PPP1R13B: variants seen among roughly 807,000 people sequenced by gnomAD.
The protein encoded by PPP1R13B is protein phosphatase 1 regulatory subunit 13B, also known as apoptosis-stimulating of p53 protein 1.
Under a neutral mutation model 119.8 loss-of-function variants are expected in PPP1R13B, and 44 were observed. The observed-to-expected ratio is 0.37, with a 90% CI of 0.29 to 0.47. The LOEUF (loss-of-function observed/expected upper bound fraction) is 0.47. PPP1R13B is among the 20% of genes least tolerant of loss of function. PPP1R13B has a pLI of 0.99. For missense variants in PPP1R13B, 1,227 were observed against 1,413.5 expected (o/e 0.87, Z 2.12); for synonymous variants, 542 against 561.5 (o/e 0.97, Z 0.49).
intron 4 of PPP1R13B, among the ~76,000 whole-genome samples, chr14:103,758,457 C>T (rs1481551617): frequency 1.3e-5 from 2 of 152,198 alleles, no homozygotes; most frequent in East Asian, 1.9e-4. Context: ...AGTCAGCTTG[C>T]GAGGCAAAGC....
At chr14:103,845,893 G>T (rs989048327) in intron 1 of PPP1R13B, among the ~76,000 whole-genome samples, 1 of 152,124 alleles carries the variant, frequency 6.6e-6, no homozygotes, top group Non-Finnish European at 1.5e-5. Context: ...GCCATATTAA[G>T]AATAATAAAT....
chr14:103,804,466 T>C (rs916724621), intron 1 of PPP1R13B, among the ~76,000 whole-genome samples: 52 of 152,156 alleles, frequency 3.4e-4, no homozygotes, highest in Admixed American at 2.0e-3. Context: ...CTCAAGCCTG[T>C]AATCTCAACA....
chr14:103,746,522 T>C lies in PPP1R13B; in HGVS notation c.1001A>G (p.Gln334Arg). The C allele has an allele frequency of 6.2e-7, 1 of 1,608,362 alleles. No homozygotes were observed. The highest frequency in any genetic ancestry group is 8.5e-7 in the Non-Finnish European group (1 of 1,177,310). Residue 334 changes from glutamine (Q) to arginine (R), a missense_variant, in exon 9 of 17, where the codon CAG (glutamine) becomes CGG (arginine). Physicochemically the swap from Gln to Arg is conservative, Grantham distance 43. Transcript: ENST00000202556. ...LNRVNGTSSP[Q>R]SPLSTSGRVA... ...CCTGCCCGATGTGCTCAGAGGGGAC[T>C]GTGGTGATGACGTGCCATTCACACG...
chr14:103,837,187 G>T (rs991462598), intron 1 of PPP1R13B, among the ~76,000 whole-genome samples: 1 of 152,198 alleles, frequency 6.6e-6, no homozygotes, highest in Non-Finnish European at 1.5e-5. Context: ...ACGCTCATCA[G>T]GCAAACCGGA....
intron 4 of PPP1R13B, among the ~76,000 whole-genome samples, chr14:103,777,985 C>T (rs1187347200): frequency 6.7e-6 from 1 of 150,030 alleles, no homozygotes; most frequent in Non-Finnish European, 1.5e-5. Context: ...TGGAATTTCG[C>T]TCGTTGCCCA....
intron 2 of PPP1R13B, among the ~76,000 whole-genome samples, chr14:103,789,490 A>G (rs533574542): frequency 1.3e-5 from 2 of 152,142 alleles, no homozygotes; most frequent in South Asian, 2.1e-4. Flanking sequence ...TGCTGAAATT[A>G]TAGGTGTGAA....
At chr14:103,846,970 CA>C in intron 1 of PPP1R13B, 1 of 1,210,226 alleles carries the variant, frequency 8.3e-7, no homozygotes, top group South Asian at 1.5e-5. Context: ...ACAGCTGCGC[CA>C]CCCACCAGAC....
At chr14:103,827,313 G>A (rs1448305200) in intron 1 of PPP1R13B, among the ~76,000 whole-genome samples, 1 of 152,114 alleles carries the variant, frequency 6.6e-6, no homozygotes, top group Non-Finnish European at 1.5e-5. Context: ...TCCAACCCAA[G>A]CGACAGAGCG....
At position 103,768,308 on chromosome 14, in the gene PPP1R13B, A is replaced by T. The variant is rs534751069; in HGVS notation, c.354+10437T>A. ...TTTTTGTATTTTTATTATTATTATT[A>T]TTTTTTGAGATGGAGTCTTGCTCTG... On this transcript the variant is annotated intron_variant, in intron 4 of 16. Coordinates refer to ENST00000202556, the MANE Select transcript of PPP1R13B (RefSeq NM_015316.3). Among the ~76,000 whole-genome samples, 233 of 147,386 alleles carry T rather than the reference A, an allele frequency of 1.6e-3. 1 individual carries two copies. Among genetic ancestry groups the T allele is most frequent in the Middle Eastern group, 3.6e-3 (1 of 276 alleles).
intron 1 of PPP1R13B, among the ~76,000 whole-genome samples, chr14:103,839,291 C>A (rs1238267568): frequency 2.0e-5 from 3 of 151,834 alleles, no homozygotes; most frequent in Non-Finnish European, 4.4e-5. Flanking sequence ...GGATTACAGG[C>A]GTGAGCCACA....
Position 103,738,687 on chromosome 14 carries a change from A to G in PPP1R13B, c.2856T>C (p.Ser952=), listed in dbSNP as rs1363523516. ...DFGVNVNAAD[S]DGWTPLHCAA... ...ACTCCTACGGGCCTCACCATCCATCACTATCAGCAGCATTCACGTTGACAC... is the reference window on the plus strand; with the variant it reads ...ACTCCTACGGGCCTCACCATCCATCGCTATCAGCAGCATTCACGTTGACAC... The change falls in exon 14 of 17, where the codon AGT becomes AGC. Residue 952 remains serine, a synonymous_variant. Coordinates refer to ENST00000202556, the MANE Select transcript of PPP1R13B (RefSeq NM_015316.3). The surrounding 1 kb of genome is among the most constrained non-coding windows in gnomAD (Gnocchi z 5.6). 2 of 1,614,206 alleles carry G rather than the reference A, an allele frequency of 1.2e-6. No homozygotes were observed. The highest frequency in any genetic ancestry group is 1.7e-6 in the Non-Finnish European group (2 of 1,180,034).
intron 7 of PPP1R13B, among the ~76,000 whole-genome samples, chr14:103,751,380 T>A (rs995875391): frequency 6.6e-6 from 1 of 152,350 alleles, no homozygotes; most frequent in African/African-American, 2.4e-5. Context: ...CAAGTGATTT[T>A]ACTCTATGTA....
At chr14:103,796,874 T>A (rs2085770896) in intron 2 of PPP1R13B, among the ~76,000 whole-genome samples, 1 of 152,058 alleles carries the variant, frequency 6.6e-6, no homozygotes, top group Non-Finnish European at 1.5e-5. Context: ...CAAGAATCGT[T>A]TGAACCCAGG....
intron 1 of PPP1R13B, among the ~76,000 whole-genome samples, chr14:103,824,606 G>C (rs759936944): frequency 6.6e-6 from 1 of 151,424 alleles, no homozygotes; most frequent in Non-Finnish European, 1.5e-5. Flanking sequence ...TGAGGCACGA[G>C]AATCGGTTGA....
At chr14:103,823,976 A>T (rs1407168583) in intron 1 of PPP1R13B, among the ~76,000 whole-genome samples, 1 of 151,458 alleles carries the variant, frequency 6.6e-6, no homozygotes, top group African/African-American at 2.4e-5. Flanking sequence ...GGCCACATGA[A>T]GTAGAATGTT....
At chr14:103,790,072 C>A (rs1394183239) in intron 2 of PPP1R13B, among the ~76,000 whole-genome samples, 1 of 151,562 alleles carries the variant, frequency 6.6e-6, no homozygotes, top group Non-Finnish European at 1.5e-5. Context: ...ATGGTAAAAC[C>A]CTGTCTCTAC....
At chr14:103,797,065 T>C (rs1482429024) in intron 2 of PPP1R13B, among the ~76,000 whole-genome samples, 1 of 145,172 alleles carries the variant, frequency 6.9e-6, no homozygotes, top group Non-Finnish European at 1.5e-5. Flanking sequence ...CATCTATCAC[T>C]CTGGCCTGGG....
intron 5 of PPP1R13B, among the ~76,000 whole-genome samples, chr14:103,756,906 C>A (rs2084690714): frequency 6.8e-6 from 1 of 147,084 alleles, no homozygotes; most frequent in African/African-American, 2.6e-5. Context: ...CTACAGGCGC[C>A]CGCCACCAAG....
At chr14:103,834,785 G>A (rs529152635) in intron 1 of PPP1R13B, among the ~76,000 whole-genome samples, 19 of 151,800 alleles carry the variant, frequency 1.3e-4, no homozygotes, top group African/African-American at 4.6e-4. Context: ...TGGAGATGAG[G>A]TTTCACCATG....
Sources: allele counts gnomAD v4.1 joint callset (sites outside exome capture counted in the v4.1 genomes callset), GRCh38; gene constraint gnomAD v4.1.1; non-coding constraint Gnocchi (gnomAD v3.1); transcripts MANE v1.5; gene names NCBI Gene and HGNC (gene_info 2026-07-23, HGNC 2026-07-21).